Variants in KIAA0232 observed in about 807,000 individuals in gnomAD.
The protein encoded by KIAA0232 is uncharacterized protein KIAA0232.
Under a neutral mutation model 122.0 loss-of-function variants are expected in KIAA0232, and 27 were observed. The ratio of observed to expected loss-of-function variants is 0.22; its 90% CI spans 0.16 to 0.31. KIAA0232 has a LOEUF of 0.31. Ranked by LOEUF, KIAA0232 falls within the 10% of genes least tolerant of loss-of-function variation. The pLI is 1.00. For synonymous variants in KIAA0232, 613 were observed against 587.6 expected (o/e 1.04, Z -0.63); for missense variants, 1,551 against 1,634.2 (o/e 0.95, Z 0.88).
intron 3 of KIAA0232, among the ~76,000 whole-genome samples, chr4:6,836,940 A>C (rs1719323045): frequency 6.6e-6 from 1 of 152,234 alleles, no homozygotes; most frequent in African/African-American, 2.4e-5. Flanking sequence ...TCTCCTGTCT[A>C]TTTCTTTCCA....
intron 7 of KIAA0232, among the ~76,000 whole-genome samples, chr4:6,865,959 T>C (rs1002482609): frequency 6.6e-6 from 1 of 152,198 alleles, no homozygotes; most frequent in Non-Finnish European, 1.5e-5. Context: ...ATTTGTCGCA[T>C]CAGAGTGCCC....
chr4:6,868,643 C>A (rs1229876675), intron 7 of KIAA0232, among the ~76,000 whole-genome samples: 1 of 152,180 alleles, frequency 6.6e-6, no homozygotes, highest in African/African-American at 2.4e-5. Flanking sequence ...ATGACAGCGA[C>A]CTTCTGATCC....
intron 2 of KIAA0232, among the ~76,000 whole-genome samples, chr4:6,818,294 G>T (rs147990882): frequency 0.011 from 1,606 of 151,888 alleles, 31 homozygotes; most frequent in African/African-American, 0.036. Context: ...CCAGCTACTC[G>T]GGAGGCCGAG....
chr4:6,784,063 T>C (rs1716495999), intron 1 of KIAA0232, among the ~76,000 whole-genome samples: 1 of 151,896 alleles, frequency 6.6e-6, no homozygotes, highest in Admixed American at 6.6e-5. Context: ...CACCTTTCCG[T>C]TTTTGTCCTC....
intron 1 of KIAA0232, among the ~76,000 whole-genome samples, chr4:6,790,366 AT>A (rs985497546): frequency 9.1e-4 from 96 of 105,770 alleles, no homozygotes; most frequent in African/African-American, 1.7e-3. Context: ...TTTTTATTTA[AT>A]TTTTTTTTTT....
At chr4:6,843,088 A>G (rs1719752137) in intron 4 of KIAA0232, among the ~76,000 whole-genome samples, 1 of 152,218 alleles carries the variant, frequency 6.6e-6, no homozygotes, top group Non-Finnish European at 1.5e-5. Context: ...CATTTCATAT[A>G]AAATATTTCT....
intron 2 of KIAA0232, among the ~76,000 whole-genome samples, chr4:6,813,194 G>T (rs950266754): frequency 6.6e-6 from 1 of 152,088 alleles, no homozygotes; most frequent in Non-Finnish European, 1.5e-5. Flanking sequence ...TTACATAAGG[G>T]ATGAGATTTT....
Position 6,798,654 on chromosome 4 carries a change from C to T in KIAA0232, c.-353-5869C>T, listed in dbSNP as rs144028633. Among the ~76,000 whole-genome samples the T allele has an allele frequency of 2.5e-4, 38 of 152,306 alleles. No homozygotes were observed. The East Asian group carries it at 6.6e-3, about 26-fold the overall frequency. ...GCACCCTTGACCTCCAGGGCTCGAA[C>T]GAGCCTCCCACCTCAACCTTCTGAG... is the stretch of plus-strand genomic sequence containing the variant. On this transcript the variant is annotated intron_variant, in intron 1 of 9. Transcript: ENST00000307659.
chr4:6,827,401 C>T (rs1358835165), intron 3 of KIAA0232, among the ~76,000 whole-genome samples: 2 of 152,176 alleles, frequency 1.3e-5, no homozygotes, highest in Non-Finnish European at 2.9e-5. Context: ...ATCAGAACTC[C>T]AGCTAACAGC....
chr4:6,861,029 G>A lies in KIAA0232; in HGVS notation c.647G>A (p.Ser216Asn). ...TCATCATCCACAGCCCCACCAGCTA[G>A]CACAGATACTTCCTCTCCTAAGGAC... is the stretch of plus-strand genomic sequence containing the variant. ...SSSSSTAPPA[S>N]TDTSSPKDCN... Residue 216 changes from serine (S) to asparagine (N), a missense_variant, in exon 7 of 10, where the codon AGC becomes AAC. Transcript: ENST00000307659. 6.2e-7 allele frequency: 1 copy of A among 1,614,170 alleles called. No individual in the cohort carries two copies. The highest frequency in any genetic ancestry group is 8.5e-7 in the Non-Finnish European group (1 of 1,180,030).
chr4:6,851,520 A>C (rs1346295658), intron 4 of KIAA0232, among the ~76,000 whole-genome samples: 2 of 151,788 alleles, frequency 1.3e-5, no homozygotes, highest in Admixed American at 1.3e-4. Context: ...CCAGTTTGAG[A>C]TGGGGTTTTG....
chr4:6,867,720 C>T (rs1721259062), intron 7 of KIAA0232, among the ~76,000 whole-genome samples: 1 of 152,140 alleles, frequency 6.6e-6, no homozygotes, highest in Admixed American at 6.5e-5. Flanking sequence ...TGGTGATGTG[C>T]CACCCGGCAC....
intron 3 of KIAA0232, among the ~76,000 whole-genome samples, chr4:6,841,192 GT>G (rs1406413308): frequency 5.3e-5 from 8 of 152,134 alleles, no homozygotes; most frequent in Non-Finnish European, 1.2e-4. Flanking sequence ...TCTGTCAAAA[GT>G]TAAAACAAGA....
At position 6,821,036 on chromosome 4, in the gene KIAA0232, A is replaced by G. The variant is rs115137106; in HGVS notation, c.-269-3149A>G. Among the ~76,000 whole-genome samples, 1,212 of 152,236 alleles carry G rather than the reference A, an allele frequency of 8.0e-3. 17 individuals are homozygous for G. Among genetic ancestry groups the G allele is most frequent in the African/African-American group, 0.028 (1,165 of 41,532 alleles). ...GTGACATGAAGTTGGAGCCCTCATG[A>G]CCTAATCACCTCTTAAAGGTCTTAC... On this transcript the variant is annotated intron_variant, in intron 2 of 9. Coordinates refer to ENST00000307659, the MANE Select transcript of KIAA0232 (RefSeq NM_014743.3).
chr4:6,866,586 G>A (rs1166443882), intron 7 of KIAA0232, among the ~76,000 whole-genome samples: 1 of 152,130 alleles, frequency 6.6e-6, no homozygotes, highest in Non-Finnish European at 1.5e-5. Flanking sequence ...CCCTTTTCCT[G>A]AGTCAGTACA....
At chr4:6,796,320 C>A (rs1199412374) in intron 1 of KIAA0232, among the ~76,000 whole-genome samples, 1 of 152,112 alleles carries the variant, frequency 6.6e-6, no homozygotes, top group Non-Finnish European at 1.5e-5. Context: ...CAGCTCACTG[C>A]AGCCTCTGCC....
At chr4:6,816,326 A>G (rs1718125175) in intron 2 of KIAA0232, among the ~76,000 whole-genome samples, 1 of 147,722 alleles carries the variant, frequency 6.8e-6, no homozygotes, top group African/African-American at 2.5e-5. Flanking sequence ...TCTGTTGCCC[A>G]GGCTCGAGTG....
chr4:6,860,507 A>G (rs1720795482), intron 6 of KIAA0232, among the ~76,000 whole-genome samples: 2 of 152,230 alleles, frequency 1.3e-5, no homozygotes, highest in Non-Finnish European at 2.9e-5. Context: ...AGCAGTAAAT[A>G]ATGAGCTTAA....
intron 7 of KIAA0232, among the ~76,000 whole-genome samples, chr4:6,870,418 A>G (rs1721411936): frequency 6.6e-6 from 1 of 152,226 alleles, no homozygotes; most frequent in African/African-American, 2.4e-5. Context: ...TGGAATTTGA[A>G]TTTGTAATTT....
Sources: gnomAD v4.1 joint callset for allele counts (sites outside exome capture counted in the v4.1 genomes callset) on GRCh38, gnomAD v4.1.1 for gene constraint, MANE v1.5 for transcripts, NCBI Gene and HGNC (gene_info 2026-07-23, HGNC 2026-07-21) for gene names.